The following LRPAP1 variants were observed in gnomAD, a reference collection of about 807,000 sequenced individuals.
LRPAP1 encodes alpha-2-macroglobulin receptor-associated protein.
A neutral mutation model predicts 39.9 loss-of-function variants in LRPAP1; 41 were observed. That is an observed-to-expected ratio of 1.03 (90% CI 0.80 to 1.33). The LOEUF is 1.33. LRPAP1 is among the 40% of genes most tolerant of loss of function. The pLI, the probability that LRPAP1 is intolerant of heterozygous loss-of-function variation, is 0.00. For synonymous variants in LRPAP1, 263 were observed against 212.7 expected (o/e 1.24, Z -2.06); for missense variants, 565 against 482.3 (o/e 1.17, Z -1.61).
chr4:3,525,509 C>G (rs930319927), intron 1 of LRPAP1, among the ~76,000 whole-genome samples: 9 of 152,180 alleles, frequency 5.9e-5, no homozygotes, highest in African/African-American at 2.2e-4. Context: ...TTCCCAAAGA[C>G]CCTCAGTCAC....
At position 3,504,706 on chromosome 4, in the gene LRPAP1, C is replaced by T. The variant is rs533525038; in HGVS notation, c.*8268G>A. 7.7e-5 allele frequency among the ~76,000 whole-genome samples: 11 copies of T among 142,934 alleles called. No individual in the cohort carries two copies. The highest frequency in any genetic ancestry group is 4.6e-4 in the South Asian group (2 of 4,388). 93.8% of individuals were successfully genotyped at this position (142,934 alleles called of 152,430 possible). On this transcript the variant is annotated 3_prime_UTR_variant, in exon 8 of 8. Coordinates refer to ENST00000650182, the MANE Select transcript of LRPAP1 (RefSeq NM_002337.4). ...TGGAGGTTGCAGTGAGCCAAGATTG[C>T]GCCATTGCACTGCAGCCTGAGCAAT...
At chr4:3,513,467 C>T (rs1407936562) in intron 7 of LRPAP1, among the ~76,000 whole-genome samples, 2 of 152,096 alleles carry the variant, frequency 1.3e-5, no homozygotes, top group African/African-American at 2.4e-5. Context: ...ACCGCCACGC[C>T]CGGCTAATTT....
At chr4:3,529,975 G>A (rs1302267401) in intron 1 of LRPAP1, among the ~76,000 whole-genome samples, 2 of 152,336 alleles carry the variant, frequency 1.3e-5, no homozygotes, top group African/African-American at 4.8e-5. Context: ...AGCCGGGCAG[G>A]AAGTGCTTCT....
At chr4:3,524,802 A>C (rs1314340460) in intron 2 of LRPAP1, 105 bp downstream of exon 2, 17 of 1,305,044 alleles carry the variant, frequency 1.3e-5, no homozygotes, top group East Asian at 2.3e-5. Context: ...GCATAATGCA[A>C]ATATTCCCAA....
intron 1 of LRPAP1, chr4:3,531,974 GGCC>G: frequency 1.7e-6 from 1 of 572,202 alleles, no homozygotes; most frequent in Non-Finnish European, 3.0e-6. Context: ...TCGGGGTGCC[GGCC>G]GCCACCTGCT....
At chr4:3,515,415 G>A (rs1577204192) in intron 6 of LRPAP1, among the ~76,000 whole-genome samples, 1 of 152,292 alleles carries the variant, frequency 6.6e-6, no homozygotes, top group Admixed American at 6.5e-5. Context: ...GGCCAGCTAA[G>A]GTGCCCCAGC....
chr4:3,532,346 G>A lies in LRPAP1; in HGVS notation c.67C>T (p.Leu23Phe), dbSNP rs541409658. The change falls in exon 1 of 8, where the codon CTC becomes TTC. Residue 23 changes from leucine (L) to phenylalanine (F), a missense_variant. Transcript: ENST00000650182. ...LPALLLLLLF[L>F]GPWPAASHGG... ...TGGCTCGCAGCGGGCCAGGGCCCGA[G>A]GAAGAGCAGCAGCAGTAGCAGCGCC... 6.3e-7 allele frequency: 1 copy of A among 1,593,890 alleles called. No individual in the cohort carries two copies. Among genetic ancestry groups the A allele is most frequent in the African/African-American group, 1.3e-5 (1 of 74,744 alleles).
chr4:3,513,075 C>T (rs1416760083), intron 7 of LRPAP1, 39 bp from the exon 8 acceptor site: 8 of 1,531,708 alleles, frequency 5.2e-6, no homozygotes, highest in Non-Finnish European at 7.2e-6. Context: ...GGACAGCGCG[C>T]CTCGAGGCCA....
chr4:3,516,091 G>A, intron 6 of LRPAP1, 25 bp downstream of exon 6: 1 of 1,556,046 alleles, frequency 6.4e-7, no homozygotes, highest in East Asian at 2.4e-5. Flanking sequence ...GAGAGAGCTA[G>A]AAGGAGAGGG....
At chr4:3,513,478 T>C (rs575388493) in intron 7 of LRPAP1, among the ~76,000 whole-genome samples, 1 of 152,098 alleles carries the variant, frequency 6.6e-6, no homozygotes, top group African/African-American at 2.4e-5. Context: ...CGGCTAATTT[T>C]TTCTACTTTT....
Position 3,518,974 on chromosome 4 carries a change from T to TC in LRPAP1, c.488_489insG (p.Phe164IlefsTer42). ...GCTTGTCCAGTTCTTCGCCGGAGAA[T>TC]TTCCCAGAGGTCTTCGCCTAAGAGG... On this transcript the variant is annotated frameshift_variant, in exon 4 of 8. Coordinates refer to ENST00000650182, the MANE Select transcript of LRPAP1 (RefSeq NM_002337.4). LOFTEE classifies it high-confidence loss of function. 6.2e-7 allele frequency: 1 copy of TC among 1,614,020 alleles called. No individual in the cohort carries two copies. Among genetic ancestry groups the TC allele is most frequent in the Non-Finnish European group, 8.5e-7 (1 of 1,179,958 alleles).
chr4:3,526,490 T>A (rs1730081695), intron 1 of LRPAP1, among the ~76,000 whole-genome samples: 1 of 152,246 alleles, frequency 6.6e-6, no homozygotes. Context: ...TATATTTCAA[T>A]AAAGTTTACG....
chr4:3,517,828 A>G, intron 5 of LRPAP1: 1 of 534,814 alleles, frequency 1.9e-6, no homozygotes, highest in Non-Finnish European at 3.1e-6. Context: ...TCCAGGTACA[A>G]GGCTGGGGAC....
At chr4:3,518,782 C>T in intron 4 of LRPAP1, 89 bp downstream of exon 4, 1 of 885,000 alleles carries the variant, frequency 1.1e-6, no homozygotes, top group Non-Finnish European at 1.7e-6. Flanking sequence ...TGAGGCTGCC[C>T]ACTGAGCACA....
At chr4:3,522,468 C>T (rs1353032515) in intron 2 of LRPAP1, among the ~76,000 whole-genome samples, 1 of 141,886 alleles carries the variant, frequency 7.0e-6, no homozygotes, top group Non-Finnish European at 1.6e-5. Context: ...AGCACCGAGC[C>T]CTTAGAGCTC....
chr4:3,518,390 G>A (rs1729795248), intron 4 of LRPAP1, among the ~76,000 whole-genome samples, 198 bp from the exon 5 acceptor site: 1 of 100,440 alleles, frequency 1.0e-5, no homozygotes, highest in Non-Finnish European at 2.1e-5. Context: ...CAGGCGAGAC[G>A]CCGGGACACG....
At chr4:3,529,126 C>A (rs1367536985) in intron 1 of LRPAP1, among the ~76,000 whole-genome samples, 1 of 152,030 alleles carries the variant, frequency 6.6e-6, no homozygotes, top group African/African-American at 2.4e-5. Context: ...AGTTCGAGAC[C>A]AGCCTGGCCA....
rs1437790117 is a variant in LRPAP1 at position 3,506,187 on chromosome 4, C to T, written c.*6787G>A. On this transcript the variant is annotated 3_prime_UTR_variant, in exon 8 of 8. Coordinates refer to ENST00000650182, the MANE Select transcript of LRPAP1 (RefSeq NM_002337.4). ...AAGTGATTCTCGTGCCTTAGGCTCCCGAGTAGCTGGGATTATAGGCAGATG... is the reference window on the plus strand; with the variant it reads ...AAGTGATTCTCGTGCCTTAGGCTCCTGAGTAGCTGGGATTATAGGCAGATG... 6.6e-6 allele frequency among the ~76,000 whole-genome samples: 1 copy of T among 152,038 alleles called. No homozygotes were observed. Among genetic ancestry groups the T allele is most frequent in the African/African-American group, 2.4e-5 (1 of 41,370 alleles).
At chr4:3,515,272 G>A (rs1729657473) in intron 6 of LRPAP1, among the ~76,000 whole-genome samples, 1 of 152,168 alleles carries the variant, frequency 6.6e-6, no homozygotes, top group Non-Finnish European at 1.5e-5. Flanking sequence ...CCCCCAGCCT[G>A]CCTGGGCTCC....
Sources: allele counts gnomAD v4.1 joint callset (sites outside exome capture counted in the v4.1 genomes callset), GRCh38; gene constraint gnomAD v4.1.1; transcripts MANE v1.5; gene names NCBI Gene and HGNC (gene_info 2026-07-23, HGNC 2026-07-21).